The following TMEM108 variants were observed in gnomAD, a reference collection of about 807,000 sequenced individuals.
TMEM108 encodes the protein transmembrane protein 108.
A neutral mutation model predicts 35.1 loss-of-function variants in TMEM108; 12 were observed. The ratio of observed to expected loss-of-function variants is 0.34; its 90% CI spans 0.22 to 0.55. The LOEUF (loss-of-function observed/expected upper bound fraction) is 0.55, where lower values mean the gene tolerates loss of function less well. TMEM108 is among the 20% of genes least tolerant of loss of function. TMEM108 has a pLI of 0.89. For missense variants in TMEM108, 680 were observed against 753.3 expected (o/e 0.90, Z 1.14); for synonymous variants, 287 against 308.6 (o/e 0.93, Z 0.73).
In TMEM108 at chr3:133,346,307, T is replaced by C. The variant is rs1366226454; in HGVS notation, c.41-33445T>C. ...ACTTCCTCACCAGCATTTGGTATTATCAGTTTTGTTTTGTTTTTGTTTTTG... is the reference window on the plus strand; with the variant it reads ...ACTTCCTCACCAGCATTTGGTATTACCAGTTTTGTTTTGTTTTTGTTTTTG... On this transcript the variant is annotated intron_variant, in intron 3 of 5. Transcript: ENST00000321871. This position sits in a 1 kb window ranked among gnomAD's most constrained non-coding sequence, Gnocchi z 4.0. Among the ~76,000 whole-genome samples the C allele has an allele frequency of 6.6e-6, 1 of 151,954 alleles. No homozygotes were observed. The highest frequency in any genetic ancestry group is 1.9e-4 in the East Asian group (1 of 5,194).
At chr3:133,385,584 C>T (rs1253464950) in intron 4 of TMEM108, among the ~76,000 whole-genome samples, 5 of 152,236 alleles carry the variant, frequency 3.3e-5, no homozygotes, top group Non-Finnish European at 5.9e-5. Context: ...CCCACTGGCA[C>T]CCATGGGCGA....
intron 2 of TMEM108, among the ~76,000 whole-genome samples, chr3:133,221,096 C>G (rs1321068813): frequency 6.6e-6 from 1 of 152,158 alleles, no homozygotes; most frequent in Non-Finnish European, 1.5e-5. Context: ...AACCAGTAAG[C>G]TCTCTAAACC....
At chr3:133,243,555 C>CAT (rs1946341756) in intron 3 of TMEM108, among the ~76,000 whole-genome samples, 1 of 151,802 alleles carries the variant, frequency 6.6e-6, no homozygotes, top group Admixed American at 6.6e-5. Flanking sequence ...GAGTCTCGTT[C>CAT]TGTCACCCAG....
At chr3:133,347,887 A>G (rs1310967368) in intron 3 of TMEM108, among the ~76,000 whole-genome samples, 3 of 152,138 alleles carry the variant, frequency 2.0e-5, no homozygotes, top group Non-Finnish European at 2.9e-5. Context: ...AAGAAGGAGC[A>G]TAAAAGAAGA....
At chr3:133,379,063 C>T (rs2072925703) in intron 3 of TMEM108, among the ~76,000 whole-genome samples, 1 of 152,136 alleles carries the variant, frequency 6.6e-6, no homozygotes, top group Non-Finnish European at 1.5e-5. Context: ...GGCACTGAGA[C>T]ATCTTTGTCT....
At chr3:133,271,088 A>G (rs1269035204) in intron 3 of TMEM108, among the ~76,000 whole-genome samples, 3 of 151,940 alleles carry the variant, frequency 2.0e-5, no homozygotes, top group Non-Finnish European at 2.9e-5. Context: ...TCAATCCACA[A>G]ACTCTACCCC....
intron 3 of TMEM108, among the ~76,000 whole-genome samples, chr3:133,342,799 G>T (rs1795094): frequency 4.1e-4 from 62 of 150,216 alleles, no homozygotes; most frequent in African/African-American, 1.3e-3. Context: ...GGTTGGTTAA[G>T]GGATACAAAA....
intron 2 of TMEM108, among the ~76,000 whole-genome samples, chr3:133,058,283 C>T (rs543868380): frequency 5.1e-4 from 78 of 152,196 alleles, no homozygotes; most frequent in Non-Finnish European, 9.7e-4. Context: ...TTCTCCTGCT[C>T]TCCCCTGTTG....
At chr3:133,297,139 C>T (rs1217591914) in intron 3 of TMEM108, among the ~76,000 whole-genome samples, 2 of 152,200 alleles carry the variant, frequency 1.3e-5, no homozygotes, top group East Asian at 1.9e-4. Context: ...TTATAGCTCA[C>T]GCAAATTTAA....
At chr3:133,140,056 A>G (rs933858377) in intron 2 of TMEM108, among the ~76,000 whole-genome samples, 2 of 152,194 alleles carry the variant, frequency 1.3e-5, no homozygotes, top group South Asian at 2.1e-4. Context: ...GGTGTTCTTT[A>G]TAAATCCTTT....
At chr3:133,132,728 C>A (rs769885147) in intron 2 of TMEM108, among the ~76,000 whole-genome samples, 1 of 151,928 alleles carries the variant, frequency 6.6e-6, no homozygotes, top group Non-Finnish European at 1.5e-5. Context: ...CTATAATTGC[C>A]ATAGATAGTG....
In TMEM108 at chr3:133,155,396, C is replaced by T. The variant is rs187263376; in HGVS notation, c.-46-73870C>T. ...ATACCCAGTAGTGGGATTGCTGGGT[C>T]GAATGGTAGTTCTGTTTTTAGTTTT... On this transcript the variant is annotated intron_variant, in intron 2 of 5. Transcript: ENST00000321871. 2.0e-3 allele frequency among the ~76,000 whole-genome samples: 306 copies of T among 152,104 alleles called. 4 individuals carry two copies. Among genetic ancestry groups the T allele is most frequent in the African/African-American group, 6.5e-3 (268 of 41,506 alleles).
intron 3 of TMEM108, among the ~76,000 whole-genome samples, chr3:133,349,387 C>T (rs2071921820): frequency 6.6e-6 from 1 of 151,900 alleles, no homozygotes; most frequent in Non-Finnish European, 1.5e-5. Context: ...AACAGGAGAG[C>T]AAACACAGCA....
intron 2 of TMEM108, among the ~76,000 whole-genome samples, chr3:133,141,585 A>G (rs1011562638): frequency 2.0e-5 from 3 of 152,204 alleles, no homozygotes; most frequent in African/African-American, 7.2e-5. Flanking sequence ...AAAGGCTTTC[A>G]GAGCATGTAA....
intron 2 of TMEM108, among the ~76,000 whole-genome samples, chr3:133,072,789 C>T (rs1200434288): frequency 2.0e-5 from 3 of 152,148 alleles, no homozygotes; most frequent in African/African-American, 7.2e-5. Flanking sequence ...AAAGAAACCT[C>T]ATACCCATTA....
At chr3:133,366,589 G>A (rs942521571) in intron 3 of TMEM108, among the ~76,000 whole-genome samples, 2 of 152,156 alleles carry the variant, frequency 1.3e-5, no homozygotes, top group African/African-American at 2.4e-5. Flanking sequence ...TGTATGTTGA[G>A]CTTGTCTCCT....
intron 3 of TMEM108, among the ~76,000 whole-genome samples, chr3:133,289,671 A>C (rs1377353757): frequency 6.6e-6 from 1 of 152,188 alleles, no homozygotes; most frequent in Non-Finnish European, 1.5e-5. Flanking sequence ...TTAGGTATAC[A>C]TATCCCATTA....
At chr3:133,177,258 C>T (rs1396625550) in intron 2 of TMEM108, among the ~76,000 whole-genome samples, 1 of 152,166 alleles carries the variant, frequency 6.6e-6, no homozygotes, top group Non-Finnish European at 1.5e-5. Context: ...TGGTACCATT[C>T]CTTCTGAAAC....
At chr3:133,151,225 G>A (rs143970524) in intron 2 of TMEM108, among the ~76,000 whole-genome samples, 1 of 152,058 alleles carries the variant, frequency 6.6e-6, no homozygotes, top group Admixed American at 6.6e-5. Flanking sequence ...TTAATTTTCT[G>A]TTGCCCCCTT....
Sources: gnomAD v4.1 joint callset for allele counts (sites outside exome capture counted in the v4.1 genomes callset) on GRCh38, gnomAD v4.1.1 for gene constraint, Gnocchi (gnomAD v3.1) non-coding constraint, MANE v1.5 for transcripts, NCBI Gene and HGNC (gene_info 2026-07-23, HGNC 2026-07-21) for gene names.